GRM8: variants seen among roughly 807,000 people sequenced by gnomAD.
GRM8 encodes the protein glutamate metabotropic receptor 8.
Under a neutral mutation model 87.2 loss-of-function variants are expected in GRM8, and 47 were observed. The ratio of observed to expected loss-of-function variants is 0.54; its 90% CI spans 0.43 to 0.69. The LOEUF (loss-of-function observed/expected upper bound fraction) is 0.69, where lower values mean the gene tolerates loss of function less well. Among genes scored for constraint, GRM8 ranks in the 30% least tolerant of loss-of-function variants. The pLI is 0.00. For missense variants in GRM8, 1,019 were observed against 1,139.2 expected (o/e 0.89, Z 1.52); for synonymous variants, 396 against 404.5 (o/e 0.98, Z 0.25).
intron 2 of GRM8, among the ~76,000 whole-genome samples, chr7:127,192,489 G>T (rs916464417): frequency 6.6e-6 from 1 of 152,192 alleles, no homozygotes; most frequent in Non-Finnish European, 1.5e-5. Context: ...CTGAGCTCCT[G>T]TGTGTTAATT....
intron 7 of GRM8, among the ~76,000 whole-genome samples, chr7:126,647,505 T>C (rs1416853134): frequency 6.6e-6 from 1 of 152,136 alleles, no homozygotes; most frequent in Admixed American, 6.6e-5. Context: ...TTCAGATTCA[T>C]ATATTCAACT....
Position 126,854,118 on chromosome 7 carries a change from G to A in GRM8, c.1156+48424C>T, listed in dbSNP as rs563032873. Among the ~76,000 whole-genome samples, 35 of 152,300 alleles carry A rather than the reference G, an allele frequency of 2.3e-4. No homozygotes were observed. In the South Asian group the frequency reaches 4.8e-3, roughly 21 times the overall value. On this transcript the variant is annotated intron_variant, in intron 6 of 10. Transcript: ENST00000339582. Reference sequence around the variant, plus strand: ...ACTGTAATTCTTTCTGGTTCAGTGAGCCTTTTAGTGGGCAGAAAATGAGTT... The same window carrying A: ...ACTGTAATTCTTTCTGGTTCAGTGAACCTTTTAGTGGGCAGAAAATGAGTT...
intron 6 of GRM8, among the ~76,000 whole-genome samples, chr7:126,824,245 T>C (rs747199242): frequency 7.2e-5 from 11 of 152,174 alleles, no homozygotes; most frequent in Non-Finnish European, 1.5e-4. Context: ...CTGGGTGAAT[T>C]TATAGCAATG....
At chr7:127,111,310 A>G (rs1446683954) in intron 2 of GRM8, 1 of 152,246 alleles carries the variant, frequency 6.6e-6, no homozygotes, top group Non-Finnish European at 1.5e-5. Context: ...TTAAAATTAT[A>G]TTTCAAAAGA....
At chr7:126,710,228 C>G (rs563075274) in intron 7 of GRM8, among the ~76,000 whole-genome samples, 1 of 152,288 alleles carries the variant, frequency 6.6e-6, no homozygotes, top group African/African-American at 2.4e-5. Flanking sequence ...TTGATGGCTG[C>G]TGACTGATCA....
At chr7:126,670,458 TGTTAA>T (rs1432788438) in intron 7 of GRM8, among the ~76,000 whole-genome samples, 1 of 152,206 alleles carries the variant, frequency 6.6e-6, no homozygotes, top group East Asian at 1.9e-4. Context: ...AAGGTTGTTA[TGTTAA>T]GTTATTGTAA....
chr7:126,663,388 C>T (rs1425637157), intron 7 of GRM8, among the ~76,000 whole-genome samples: 1 of 152,138 alleles, frequency 6.6e-6, no homozygotes, highest in Non-Finnish European at 1.5e-5. Context: ...ATTGAAAAAT[C>T]CTCAACAAAA....
At chr7:126,886,179 G>GA (rs1454547647) in intron 6 of GRM8, among the ~76,000 whole-genome samples, 1 of 152,096 alleles carries the variant, frequency 6.6e-6, no homozygotes, top group Non-Finnish European at 1.5e-5. Context: ...AACATGCACT[G>GA]AAAAGTAAAT....
At chr7:126,912,768 T>G (rs1156803872) in intron 3 of GRM8, among the ~76,000 whole-genome samples, 1 of 152,220 alleles carries the variant, frequency 6.6e-6, no homozygotes, top group African/African-American at 2.4e-5. Context: ...TAATGTATAA[T>G]TGAAATTTAT....
At chr7:127,246,352 T>C (rs964867916) in intron 1 of GRM8, among the ~76,000 whole-genome samples, 5 of 152,208 alleles carry the variant, frequency 3.3e-5, no homozygotes, top group African/African-American at 4.8e-5. Context: ...TTGTATGTTT[T>C]GTGTTTGATT....
At chr7:126,506,735 C>T (rs185857559) in intron 9 of GRM8, among the ~76,000 whole-genome samples, 2 of 151,806 alleles carry the variant, frequency 1.3e-5, no homozygotes, top group African/African-American at 4.8e-5. Context: ...GCTGAGATCA[C>T]ACCAGTGCAC....
chr7:126,600,893 T>C (rs1184541441), intron 8 of GRM8, among the ~76,000 whole-genome samples: 1 of 152,010 alleles, frequency 6.6e-6, no homozygotes, highest in African/African-American at 2.4e-5. Flanking sequence ...CAGAACAAAG[T>C]ATTTTCATAA....
intron 2 of GRM8, among the ~76,000 whole-genome samples, chr7:127,167,019 T>C (rs1793494026): frequency 6.6e-6 from 1 of 152,158 alleles, no homozygotes; most frequent in South Asian, 2.1e-4. Context: ...ATTGAAAGTT[T>C]CTTCACTAAG....
At chr7:127,195,798 T>C (rs1048046879) in intron 2 of GRM8, among the ~76,000 whole-genome samples, 8 of 152,312 alleles carry the variant, frequency 5.3e-5, no homozygotes, top group African/African-American at 1.9e-4. Flanking sequence ...GCCACTGTTT[T>C]GGGGCTACTT....
intron 7 of GRM8, among the ~76,000 whole-genome samples, chr7:126,684,234 T>C (rs1347704556): frequency 6.6e-6 from 1 of 152,214 alleles, no homozygotes. Context: ...AGAGGAAGGC[T>C]ACTGTAGTCA....
intron 7 of GRM8, among the ~76,000 whole-genome samples, chr7:126,642,700 G>T (rs1375036650): frequency 1.3e-5 from 2 of 151,938 alleles, no homozygotes; most frequent in Non-Finnish European, 2.9e-5. Flanking sequence ...TCAAGCAAAG[G>T]GTTGTTACAC....
At chr7:126,556,570 G>A (rs1376933303) in intron 8 of GRM8, among the ~76,000 whole-genome samples, 1 of 151,918 alleles carries the variant, frequency 6.6e-6, no homozygotes, top group Non-Finnish European at 1.5e-5. Context: ...TTGCTTGAAC[G>A]CAGGAGGCAG....
At chr7:127,240,118 C>A (rs1798200960) in intron 2 of GRM8, among the ~76,000 whole-genome samples, 2 of 152,170 alleles carry the variant, frequency 1.3e-5, no homozygotes, top group South Asian at 4.1e-4. Flanking sequence ...GCATTGGACT[C>A]TGCCCAGAGA....
intron 7 of GRM8, among the ~76,000 whole-genome samples, chr7:126,746,508 T>C (rs1410074759): frequency 1.3e-5 from 2 of 151,702 alleles, no homozygotes; most frequent in East Asian, 3.8e-4. Flanking sequence ...AAGCAAAATT[T>C]AAACTTTTTA....
Sources: gnomAD v4.1 joint callset for allele counts (sites outside exome capture counted in the v4.1 genomes callset) on GRCh38, gnomAD v4.1.1 for gene constraint, MANE v1.5 for transcripts, NCBI Gene and HGNC (gene_info 2026-07-23, HGNC 2026-07-21) for gene names.